SDK1: variants seen among roughly 807,000 people sequenced by gnomAD.
SDK1 encodes sidekick cell adhesion molecule 1.
In SDK1, 157 loss-of-function variants were observed where a neutral mutation model predicts 245.5. That is an observed-to-expected ratio of 0.64 (90% CI 0.56 to 0.73). The LOEUF is 0.73. SDK1 is among the 30% of genes least tolerant of loss of function. The pLI is 0.00. For synonymous variants in SDK1, 1,647 were observed against 1,278.5 expected (o/e 1.29, Z -6.15); for missense variants, 3,583 against 3,002.3 (o/e 1.19, Z -4.52).
intron 44 of SDK1, among the ~76,000 whole-genome samples, chr7:4,246,253 G>T (rs1348021685): frequency 6.6e-6 from 1 of 152,154 alleles, no homozygotes; most frequent in Non-Finnish European, 1.5e-5. Flanking sequence ...GTGTTGCCTG[G>T]GTGCCAGCAG....
intron 5 of SDK1, among the ~76,000 whole-genome samples, chr7:3,884,086 T>TGTTTG (rs1229007186): frequency 1.1e-3 from 107 of 99,952 alleles, no homozygotes; most frequent in African/African-American, 3.9e-3. Flanking sequence ...TTTTTTTGTT[T>TGTTTG]TTTTTTTTTT....
At chr7:3,703,830 TTG>T (rs1317939738) in intron 4 of SDK1, among the ~76,000 whole-genome samples, 2 of 152,236 alleles carry the variant, frequency 1.3e-5, no homozygotes, top group East Asian at 3.8e-4. Flanking sequence ...TGTTGTTTTA[TTG>T]TGTTTTTGTT....
intron 4 of SDK1, among the ~76,000 whole-genome samples, chr7:3,781,872 A>G (rs953803222): frequency 6.6e-6 from 1 of 152,226 alleles, no homozygotes; most frequent in Non-Finnish European, 1.5e-5. Flanking sequence ...CAGAAGAGCA[A>G]AAAGATAAAA....
intron 1 of SDK1, among the ~76,000 whole-genome samples, chr7:3,454,994 G>A (rs1780628184): frequency 1.3e-5 from 2 of 152,096 alleles, no homozygotes; most frequent in African/African-American, 4.8e-5. Flanking sequence ...TGCATTTGGT[G>A]TTATCCTTAT....
intron 1 of SDK1, among the ~76,000 whole-genome samples, chr7:3,442,661 AATT>A (rs1272534847): frequency 1.3e-5 from 2 of 152,206 alleles, no homozygotes; most frequent in Admixed American, 6.5e-5. Context: ...GAATATGGAA[AATT>A]ATTATAGTAA....
chr7:3,806,539 A>G (rs1779252713), intron 4 of SDK1, among the ~76,000 whole-genome samples: 1 of 152,248 alleles, frequency 6.6e-6, no homozygotes, highest in South Asian at 2.1e-4. Context: ...GACCCTAGCG[A>G]AGAATTTTCT....
At chr7:4,181,895 T>C (rs1437639490) in intron 35 of SDK1, among the ~76,000 whole-genome samples, 1 of 152,194 alleles carries the variant, frequency 6.6e-6, no homozygotes, top group Non-Finnish European at 1.5e-5. Flanking sequence ...TTAACTTGGC[T>C]GAGGCCTGAA....
intron 19 of SDK1, among the ~76,000 whole-genome samples, chr7:4,064,533 T>C (rs1166456111): frequency 6.6e-6 from 1 of 152,092 alleles, no homozygotes; most frequent in Non-Finnish European, 1.5e-5. Context: ...AAAATAGAAC[T>C]ACCCTATGAG....
At chr7:3,701,323 T>C (rs1784732557) in intron 4 of SDK1, among the ~76,000 whole-genome samples, 1 of 152,246 alleles carries the variant, frequency 6.6e-6, no homozygotes, top group Non-Finnish European at 1.5e-5. Flanking sequence ...GTGTTCAACA[T>C]GTCCATGTCT....
chr7:4,267,370 G>A lies in SDK1; in HGVS notation c.*1986G>A. On this transcript the variant is annotated 3_prime_UTR_variant, in exon 45 of 45. Transcript: ENST00000404826. ...CCTTTTCTCCTCCTTTTTCTGAGTG[G>A]AGGGGGAAATATTCTAAACCAAAAA... is the stretch of plus-strand genomic sequence containing the variant. 4.1e-6 allele frequency: 4 copies of A among 983,918 alleles called. No individual in the cohort carries two copies. Among genetic ancestry groups the A allele is most frequent in the Non-Finnish European group, 4.8e-6 (4 of 829,554 alleles). 60.9% of individuals were successfully genotyped at this position (983,918 alleles called of 1,614,324 possible).
rs894880370 is a variant in SDK1, at chr7:4,210,205, G to T, written c.5539+43G>T. 6 of 1,480,834 alleles carry T rather than the reference G, an allele frequency of 4.1e-6. No homozygotes were observed. In the African/African-American group the frequency reaches 7.1e-5, roughly 17 times the overall value. The allele number at this position is 1,480,834 out of a possible 1,614,324, so 91.7% of individuals were successfully genotyped here. A position where few individuals can be genotyped will look rare whatever the true frequency, so the allele number is the denominator to read the frequency against. ...GGAGATGGGAGCGCGGGCCACACCAGTGCCCAGCCCTCTGCAGTCTACACA... is the reference window on the plus strand; with the variant it reads ...GGAGATGGGAGCGCGGGCCACACCATTGCCCAGCCCTCTGCAGTCTACACA... On this transcript the variant is annotated intron_variant, in intron 38 of 44. Coordinates refer to ENST00000404826, the MANE Select transcript of SDK1 (RefSeq NM_152744.4).
intron 1 of SDK1, among the ~76,000 whole-genome samples, chr7:3,433,042 G>C (rs1310182476): frequency 1.3e-5 from 2 of 152,126 alleles, no homozygotes; most frequent in African/African-American, 4.8e-5. Context: ...ATTCATTTTA[G>C]AGGAAGATTT....
rs370446188 is a variant in SDK1 at position 4,086,256 on chromosome 7, T to C, written c.3324+6672T>C. On this transcript the variant is annotated intron_variant, in intron 22 of 44. Transcript: ENST00000404826. ...TGGGGTTTGTTTATGTAGCTAGTCCTCTGCTGACACGCATTGGGATGTGTA... is the reference window on the plus strand; with the variant it reads ...TGGGGTTTGTTTATGTAGCTAGTCCCCTGCTGACACGCATTGGGATGTGTA... 4.0e-4 allele frequency among the ~76,000 whole-genome samples: 61 copies of C among 152,324 alleles called. No homozygotes were observed. The East Asian group carries it at 7.7e-3, about 19-fold the overall frequency.
intron 1 of SDK1, among the ~76,000 whole-genome samples, chr7:3,608,175 A>G (rs569910796): frequency 6.6e-6 from 1 of 152,256 alleles, no homozygotes; most frequent in Non-Finnish European, 1.5e-5. Flanking sequence ...ATAGCCTTAA[A>G]GTAGTAAAAA....
chr7:4,221,223 C>G lies in SDK1; in HGVS notation c.5702-16C>G. The G allele has an allele frequency of 1.2e-6, 2 of 1,612,422 alleles. No individual in the cohort carries two copies. Among genetic ancestry groups the G allele is most frequent in the Non-Finnish European group, 1.7e-6 (2 of 1,179,876 alleles). On this transcript the variant is annotated splice_polypyrimidine_tract_variant and intron_variant, in intron 39 of 44. Coordinates refer to ENST00000404826, the MANE Select transcript of SDK1 (RefSeq NM_152744.4). ...AGGGCTGATGCCTCACCTCTCTTTT[C>G]TTCTTTATCCCGCAGGATCCCCGGG...
rs776019475 is a variant in SDK1 at position 3,639,109 on chromosome 7, A to T, written c.564A>T (p.Ala188=). 6.3e-7 allele frequency: 1 copy of T among 1,579,554 alleles called. No homozygotes were observed. Among genetic ancestry groups the T allele is most frequent in the Non-Finnish European group, 8.7e-7 (1 of 1,152,498 alleles). ...LLQRKSEVQV[A]YMGSFMDTDQ... is the part of the protein sequence containing the mutation. ...AAAGAAAATCAGAAGTTCAAGTCGC[A>T]TGTATGTGTACAGTAAGGAGATGTC... Residue 188 remains alanine (A), a splice_region_variant and synonymous_variant, in exon 3 of 45, where the codon GCA becomes GCT. Coordinates refer to ENST00000404826, the MANE Select transcript of SDK1 (RefSeq NM_152744.4).
At chr7:4,030,016 C>T (rs760561574) in intron 17 of SDK1, among the ~76,000 whole-genome samples, 10 of 152,210 alleles carry the variant, frequency 6.6e-5, no homozygotes, top group Middle Eastern at 6.8e-3. Flanking sequence ...GAGCTGTGAC[C>T]GTAACTTAAA....
intron 1 of SDK1, among the ~76,000 whole-genome samples, chr7:3,502,186 T>A (rs1313478186): frequency 6.6e-6 from 1 of 152,004 alleles, no homozygotes; most frequent in Non-Finnish European, 1.5e-5. Flanking sequence ...ATTTTGACAT[T>A]AGTAAAATTT....
intron 5 of SDK1, among the ~76,000 whole-genome samples, chr7:3,917,458 T>TG (rs1779424731): frequency 6.6e-6 from 1 of 152,144 alleles, no homozygotes; most frequent in Non-Finnish European, 1.5e-5. Context: ...GGCTGCACTT[T>TG]GGGGCACTGT....
Sources: gnomAD v4.1 joint callset for allele counts (sites outside exome capture counted in the v4.1 genomes callset) on GRCh38, gnomAD v4.1.1 for gene constraint, MANE v1.5 for transcripts, NCBI Gene and HGNC (gene_info 2026-07-23, HGNC 2026-07-21) for gene names.